LRMDA: variants seen among roughly 807,000 people sequenced by gnomAD.
LRMDA encodes the protein leucine-rich melanocyte differentiation-associated protein.
A neutral mutation model predicts 29.8 loss-of-function variants in LRMDA; 18 were observed. The observed-to-expected ratio is 0.60, with a 90% CI of 0.42 to 0.90. The LOEUF (loss-of-function observed/expected upper bound fraction) is 0.90, where lower values mean the gene tolerates loss of function less well. Ranked by LOEUF, LRMDA falls within the 40% of genes least tolerant of loss-of-function variation. LRMDA has a pLI of 0.00. For missense variants in LRMDA, 273 were observed against 273.9 expected (o/e 1.00, Z 0.02); for synonymous variants, 125 against 109.4 (o/e 1.14, Z -0.89).
intron 5 of LRMDA, among the ~76,000 whole-genome samples, chr10:76,112,226 C>T (rs1345972313): frequency 1.3e-5 from 2 of 152,140 alleles, no homozygotes; most frequent in Non-Finnish European, 2.9e-5. Context: ...TGGGGGAGCC[C>T]CACCGGGCAA....
At chr10:76,157,579 A>C (rs1026191785) in intron 5 of LRMDA, among the ~76,000 whole-genome samples, 9 of 152,062 alleles carry the variant, frequency 5.9e-5, no homozygotes, top group African/African-American at 2.2e-4. Context: ...GTGCCACTGC[A>C]CTGCAGCCTG....
intron 2 of LRMDA, among the ~76,000 whole-genome samples, chr10:75,460,729 C>T (rs973521265): frequency 6.6e-6 from 1 of 151,886 alleles, no homozygotes; most frequent in Non-Finnish European, 1.5e-5. Context: ...CTGTTTTTTT[C>T]TCTTAATGTC....
rs569137434 is a variant in LRMDA, at chr10:76,237,945, C to T, written c.517-86456C>T. Among the ~76,000 whole-genome samples, 21 of 152,064 alleles carry T rather than the reference C, an allele frequency of 1.4e-4. No homozygotes were observed. The East Asian group carries it at 4.1e-3, about 29-fold the overall frequency. ...AGCTGGGATTACAAGCACGTGCCAC[C>T]ACGCCTGGCTAATTTTTGTGTTTTT... On this transcript the variant is annotated intron_variant, in intron 5 of 6. Coordinates refer to ENST00000611255, the MANE Select transcript of LRMDA (RefSeq NM_001305581.2).
chr10:75,475,907 T>C (rs535337149), intron 2 of LRMDA, among the ~76,000 whole-genome samples: 3 of 152,280 alleles, frequency 2.0e-5, no homozygotes, highest in South Asian at 2.1e-4. Flanking sequence ...AAGGCGTGGG[T>C]GTTGAAAGTG....
At chr10:75,467,687 G>A (rs570213143) in intron 2 of LRMDA, among the ~76,000 whole-genome samples, 2 of 152,206 alleles carry the variant, frequency 1.3e-5, no homozygotes, top group East Asian at 1.9e-4. Flanking sequence ...AGTTGGGCAG[G>A]CACAGTGGCT....
chr10:76,046,194 A>G (rs1051641113), intron 3 of LRMDA, among the ~76,000 whole-genome samples: 2 of 152,154 alleles, frequency 1.3e-5, no homozygotes, highest in Non-Finnish European at 2.9e-5. Context: ...CTATCTAACC[A>G]TCACCTTACC....
At chr10:75,456,125 A>G (rs746693926) in intron 2 of LRMDA, among the ~76,000 whole-genome samples, 74 of 152,334 alleles carry the variant, frequency 4.9e-4, no homozygotes, top group Admixed American at 1.2e-3. Flanking sequence ...TCTCCCATCA[A>G]ATTTTCACCC....
intron 2 of LRMDA, among the ~76,000 whole-genome samples, chr10:75,799,410 T>C (rs11001500): frequency 0.39 from 58,906 of 152,060 alleles, 13,459 homozygotes; most frequent in South Asian, 0.52. Flanking sequence ...ATATATGTTT[T>C]TTATCCTATT....
chr10:76,290,041 G>T (rs1392521429), intron 5 of LRMDA, among the ~76,000 whole-genome samples: 2 of 152,142 alleles, frequency 1.3e-5, no homozygotes, highest in African/African-American at 2.4e-5. Flanking sequence ...AGATTAAATT[G>T]TAACCACTAT....
chr10:76,268,746 A>G (rs1840033952), intron 5 of LRMDA, among the ~76,000 whole-genome samples: 1 of 152,142 alleles, frequency 6.6e-6, no homozygotes, highest in South Asian at 2.1e-4. Flanking sequence ...CTCTGTCCTT[A>G]CGCCCCCATT....
At chr10:76,524,504 GCTTTTGTTTGAAAACT>G (rs1316189121) in intron 6 of LRMDA, among the ~76,000 whole-genome samples, 2 of 152,242 alleles carry the variant, frequency 1.3e-5, no homozygotes, top group East Asian at 3.9e-4. Flanking sequence ...TTCAGTGCAG[GCTTTTGTTTGAAAACT>G]CTTTACCAGG....
intron 5 of LRMDA, among the ~76,000 whole-genome samples, chr10:76,115,116 G>A (rs779867287): frequency 2.0e-5 from 3 of 152,306 alleles, no homozygotes; most frequent in Non-Finnish European, 4.4e-5. Flanking sequence ...ATCTTTCCTC[G>A]TGTTGGGGCC....
intron 2 of LRMDA, among the ~76,000 whole-genome samples, chr10:75,940,712 C>A (rs1589260662): frequency 1.3e-5 from 2 of 152,058 alleles, no homozygotes; most frequent in Middle Eastern, 3.4e-3. Flanking sequence ...TTAGTAGGTG[C>A]TTCATAAATA....
chr10:75,821,795 C>CAAACA (rs1554827939), intron 2 of LRMDA, among the ~76,000 whole-genome samples: 12 of 151,010 alleles, frequency 7.9e-5, no homozygotes, highest in South Asian at 6.3e-4. Context: ...AACAAACAAA[C>CAAACA]AAAAAAAACC....
At chr10:75,525,592 C>CTTTCT (rs1554897112) in intron 2 of LRMDA, among the ~76,000 whole-genome samples, 7 of 129,718 alleles carry the variant, frequency 5.4e-5, no homozygotes, top group African/African-American at 1.4e-4. Flanking sequence ...TTCTTTCTTT[C>CTTTCT]TTTTTTTTTT....
rs115994547 is a variant in LRMDA at position 75,769,026 on chromosome 10, C to T, written c.132-266982C>T. ...AGTCAGACATAATGGGAGCTGGAAC[C>T]CATCAGAGACGGGCAAAGTGTACAT... On this transcript the variant is annotated intron_variant, in intron 2 of 6. Transcript: ENST00000611255. Among the ~76,000 whole-genome samples, 440 of 152,238 alleles carry T rather than the reference C, an allele frequency of 2.9e-3. 1 individual carries two copies. The highest frequency in any genetic ancestry group is 0.01 in the African/African-American group (425 of 41,526).
At chr10:75,705,710 A>C (rs1842357793) in intron 2 of LRMDA, among the ~76,000 whole-genome samples, 1 of 152,170 alleles carries the variant, frequency 6.6e-6, no homozygotes, top group Non-Finnish European at 1.5e-5. Context: ...CAGGAGAGCA[A>C]CATTTCAAAA....
intron 5 of LRMDA, among the ~76,000 whole-genome samples, chr10:76,074,203 A>G (rs1426762116): frequency 1.3e-5 from 2 of 152,224 alleles, no homozygotes; most frequent in Non-Finnish European, 2.9e-5. Context: ...AAGCAAATCA[A>G]ACTAAATATG....
chr10:76,213,134 C>A (rs1420149461), intron 5 of LRMDA, among the ~76,000 whole-genome samples: 1 of 152,236 alleles, frequency 6.6e-6, no homozygotes, highest in African/African-American at 2.4e-5. Context: ...TCTTTAGTTA[C>A]AGCCACACCT....
Sources: allele counts gnomAD v4.1 joint callset (sites outside exome capture counted in the v4.1 genomes callset), GRCh38; gene constraint gnomAD v4.1.1; transcripts MANE v1.5; gene names NCBI Gene and HGNC (gene_info 2026-07-23, HGNC 2026-07-21).